UPF2: variants seen among roughly 807,000 people sequenced by gnomAD.
The protein encoded by UPF2 is regulator of nonsense transcripts 2.
UPF2 carries 17 observed loss-of-function variants against 141.4 expected under a neutral mutation model. The observed-to-expected ratio is 0.12, with a 90% CI of 0.08 to 0.18. The LOEUF is 0.18. Among genes scored for constraint, UPF2 ranks in the 10% least tolerant of loss-of-function variants. The probability of loss-of-function intolerance (pLI) is 1.00; values close to 1 mark genes in which losing one functional copy is unlikely to be tolerated. For synonymous variants in UPF2, 540 were observed against 498.0 expected (o/e 1.08, Z -1.12); for missense variants, 1,152 against 1,515.9 (o/e 0.76, Z 3.99).
At chr10:11,957,996 GGTAAAGACTAGACAAGTTA>G (rs1459531563) in intron 12 of UPF2, among the ~76,000 whole-genome samples, 2 of 152,042 alleles carry the variant, frequency 1.3e-5, no homozygotes, top group East Asian at 3.9e-4. Flanking sequence ...CCTAGTTTAT[GGTAAAGACTAGACAAGTTA>G]AAAATATGTG....
In UPF2 at chr10:11,997,812, C is replaced by T. The variant is rs1833888387; in HGVS notation, c.1759-55G>A. 7.5e-6 allele frequency: 11 copies of T among 1,464,430 alleles called. No homozygotes were observed. The Admixed American group carries it at 1.0e-4, about 13-fold the overall frequency. The allele number at this position is 1,464,430 out of a possible 1,614,324, so 90.7% of individuals were successfully genotyped here. ...AAAACCTCTAATTAGTTACGGAGAG[C>T]AGAAATCCTGCCTACTATGATATTT... is the stretch of plus-strand genomic sequence containing the variant. On this transcript the variant is annotated intron_variant, in intron 7 of 21. Coordinates refer to ENST00000357604, the MANE Select transcript of UPF2 (RefSeq NM_015542.4).
intron 16 of UPF2, among the ~76,000 whole-genome samples, chr10:11,945,242 C>T (rs187168957): frequency 2.6e-5 from 4 of 152,286 alleles, no homozygotes; most frequent in Admixed American, 1.3e-4. Context: ...AAGTCACCCC[C>T]ACTCTTCAAA....
intron 2 of UPF2, among the ~76,000 whole-genome samples, chr10:12,030,904 G>T (rs911733622): frequency 1.3e-5 from 2 of 150,088 alleles, no homozygotes; most frequent in Non-Finnish European, 3.0e-5. Flanking sequence ...GCCAGGCACG[G>T]TGGCTCATGC....
Position 12,034,864 on chromosome 10 carries a change from C to T in UPF2, c.365+195G>A, listed in dbSNP as rs536278264. On this transcript the variant is annotated intron_variant, in intron 2 of 21. Coordinates refer to ENST00000357604, the MANE Select transcript of UPF2 (RefSeq NM_015542.4). ...AAACAGTACTCATTAAAGATTGTTA[C>T]TATTATTTAATTTGAATAATTAACA... Among the ~76,000 whole-genome samples, 6 of 152,258 alleles carry T rather than the reference C, an allele frequency of 3.9e-5. No homozygotes were observed. In the East Asian group the frequency reaches 1.2e-3, roughly 29 times the overall value.
chr10:11,964,266 T>C (rs1006681967), intron 10 of UPF2, 141 bp from the exon 11 acceptor site: 2 of 467,406 alleles, frequency 4.3e-6, no homozygotes, highest in African/African-American at 4.0e-5. Flanking sequence ...CTGCTGAGCA[T>C]CTTTTGTGTT....
In UPF2 at chr10:12,019,991, C is replaced by G. The variant is rs1224686505; in HGVS notation, c.1146-5807G>C. 1.3e-5 allele frequency among the ~76,000 whole-genome samples: 2 copies of G among 152,134 alleles called. No homozygotes were observed. Among genetic ancestry groups the G allele is most frequent in the African/African-American group, 2.4e-5 (1 of 41,442 alleles). On this transcript the variant is annotated intron_variant, in intron 3 of 21. Coordinates refer to ENST00000357604, the MANE Select transcript of UPF2 (RefSeq NM_015542.4). The surrounding 1 kb of genome is among the most constrained non-coding windows in gnomAD (Gnocchi z 4.5). The stretch of plus-strand genomic sequence containing the variant: ...CTGCCCACCTCAGCCTCCCAAACCG[C>G]TGGGATTACAGGCATGAGCCACCAC...
rs759388555 is a variant in UPF2 at position 12,030,216 on chromosome 10, A to T, written c.366-692T>A. Among the ~76,000 whole-genome samples the T allele has an allele frequency of 4.7e-4, 71 of 152,134 alleles. 1 individual carries two copies. The highest frequency in any genetic ancestry group is 4.6e-4 in the Admixed American group (7 of 15,276). On this transcript the variant is annotated intron_variant, in intron 2 of 21. Transcript: ENST00000357604. ...TGAAACAAATAAAAGCAATGGGCAA[A>T]GAGAAAAAAAAACAATTATACACAA...
At chr10:11,991,716 G>A (rs1833783414) in intron 8 of UPF2, among the ~76,000 whole-genome samples, 1 of 152,120 alleles carries the variant, frequency 6.6e-6, no homozygotes, top group Admixed American at 6.6e-5. Context: ...TGATATTTAG[G>A]GTTAAAAGGT....
rs1026935957 is a variant in UPF2 at position 11,930,055 on chromosome 10, A to G, written c.3689-70T>C. 2.0e-5 allele frequency: 32 copies of G among 1,598,636 alleles called. No individual in the cohort carries two copies. The African/African-American group carries it at 4.2e-4, about 21-fold the overall frequency. ...ATGTACTCCTCCTACAGAGTGAACG[A>G]AATGTTGGGGAGATTAAGTTTATTA... On this transcript the variant is annotated intron_variant, in intron 20 of 21. Transcript: ENST00000357604.
At chr10:11,933,208 T>A (rs1208508838) in intron 19 of UPF2, among the ~76,000 whole-genome samples, 1 of 152,138 alleles carries the variant, frequency 6.6e-6, no homozygotes, top group African/African-American at 2.4e-5. Context: ...AAGATTCCTA[T>A]AAGGCAAGAC....
rs551070787 is a variant in UPF2, at chr10:11,969,331, G to A, written c.1954-1877C>T. Among the ~76,000 whole-genome samples, 29 of 151,856 alleles carry A rather than the reference G, an allele frequency of 1.9e-4. No homozygotes were observed. In the East Asian group the frequency reaches 2.3e-3, roughly 12 times the overall value. Reference sequence around the variant, plus strand: ...ATTACAGGCGCCCGCCACCATGCCCGGCTAATTTTTTGTATTTTTAGTAGA... The same window carrying A: ...ATTACAGGCGCCCGCCACCATGCCCAGCTAATTTTTTGTATTTTTAGTAGA... On this transcript the variant is annotated intron_variant, in intron 9 of 21. Coordinates refer to ENST00000357604, the MANE Select transcript of UPF2 (RefSeq NM_015542.4).
chr10:12,027,877 TCAA>T (rs1834448506), intron 3 of UPF2, among the ~76,000 whole-genome samples: 1 of 152,206 alleles, frequency 6.6e-6, no homozygotes, highest in Non-Finnish European at 1.5e-5. Flanking sequence ...AAATTTCTGA[TCAA>T]CAGTAATTTC....
chr10:11,945,006 G>T (rs1271037343), intron 16 of UPF2, among the ~76,000 whole-genome samples: 1 of 152,182 alleles, frequency 6.6e-6, no homozygotes, highest in Non-Finnish European at 1.5e-5. Context: ...GGTAGTATGA[G>T]AAATGGTAAT....
At chr10:12,017,653 G>C (rs1005127268) in intron 3 of UPF2, among the ~76,000 whole-genome samples, 8 of 152,154 alleles carry the variant, frequency 5.3e-5, no homozygotes, top group African/African-American at 1.9e-4. Context: ...GTGTACTTAA[G>C]TTACTATTCA....
Position 11,952,163 on chromosome 10 carries a change from T to C in UPF2, c.2937A>G (p.Thr979=). The C allele has an allele frequency of 6.2e-7, 1 of 1,614,042 alleles. No individual in the cohort carries two copies. The highest frequency in any genetic ancestry group is 1.1e-5 in the South Asian group (1 of 91,056). Residue 979 remains threonine (T), a synonymous_variant, in exon 15 of 22, where the codon ACA becomes ACG. Transcript: ENST00000357604. ...TGATCTTTGGTCTTAGCAGTTCTAG[T>C]GTATCACTGATCATGTAATCTATAT... is the stretch of plus-strand genomic sequence containing the variant. The part of the protein sequence containing the change: ...PIDIDYMISD[T]LELLRPKIKL...
At chr10:12,027,832 G>A (rs1001802446) in intron 3 of UPF2, among the ~76,000 whole-genome samples, 1 of 152,058 alleles carries the variant, frequency 6.6e-6, no homozygotes, top group African/African-American at 2.4e-5. Flanking sequence ...CCCTACCACA[G>A]ACTTATGAAA....
Position 12,029,446 on chromosome 10 carries a change from G to A in UPF2, c.444C>T (p.Asn148=), listed in dbSNP as rs1834476289. The A allele has an allele frequency of 1.2e-6, 2 of 1,613,560 alleles. No individual in the cohort carries two copies. The highest frequency in any genetic ancestry group is 1.7e-6 in the Non-Finnish European group (2 of 1,179,926). ...HHLRKELRSK[N]QNAPDSRPEE... The stretch of plus-strand genomic sequence containing the variant: ...CTGGTCGGCTGTCCGGAGCATTTTG[G>A]TTTTTGCTACGAAGTTCCTTTCTTA... The change falls in exon 3 of 22, where the codon AAC becomes AAT. Residue 148 remains asparagine (N), a synonymous_variant. Coordinates refer to ENST00000357604, the MANE Select transcript of UPF2 (RefSeq NM_015542.4).
chr10:12,030,926 G>A (rs1446423756), intron 2 of UPF2, among the ~76,000 whole-genome samples: 3 of 151,130 alleles, frequency 2.0e-5, no homozygotes, highest in Admixed American at 1.3e-4. Flanking sequence ...TGTAATCCCA[G>A]CACTTTGGGA....
At chr10:11,991,748 A>G (rs1404065830) in intron 8 of UPF2, among the ~76,000 whole-genome samples, 1 of 152,234 alleles carries the variant, frequency 6.6e-6, no homozygotes, top group African/African-American at 2.4e-5. Context: ...ATTCTCCACT[A>G]TAACCAGTCA....
Sources: allele counts gnomAD v4.1 joint callset (sites outside exome capture counted in the v4.1 genomes callset), GRCh38; gene constraint gnomAD v4.1.1; non-coding constraint Gnocchi (gnomAD v3.1); transcripts MANE v1.5; gene names NCBI Gene and HGNC (gene_info 2026-07-23, HGNC 2026-07-21).